The following GUCY1B1 variants were observed in gnomAD, a reference collection of about 807,000 sequenced individuals.
GUCY1B1 encodes guanylate cyclase 1 soluble subunit beta 1, also known as guanylate cyclase soluble subunit beta-1.
In GUCY1B1, 43 loss-of-function variants were observed where a neutral mutation model predicts 71.0. That is an observed-to-expected ratio of 0.61 (90% confidence interval 0.47 to 0.78). The LOEUF is 0.78. GUCY1B1 is among the 30% of genes least tolerant of loss of function. GUCY1B1 has a pLI of 0.00. For missense variants in GUCY1B1, 535 were observed against 754.1 expected (o/e 0.71, Z 3.40); for synonymous variants, 266 against 259.7 (o/e 1.02, Z -0.23).
intron 9 of GUCY1B1, 38 bp downstream of exon 9, chr4:155,800,112 A>G: frequency 1.4e-6 from 2 of 1,386,776 alleles, no homozygotes; most frequent in Non-Finnish European, 2.0e-6. Context: ...TGTTATTCAT[A>G]ACATAATGTG....
In GUCY1B1 at chr4:155,791,501, C is replaced by T. The variant is rs796208015; in HGVS notation, c.495+1590C>T. Reference sequence around the variant, plus strand: ...ATCCTAGCACTTTGGGAGGCCAAGGCGGGGGGATCACGAGGTCAGGAGATT... The same window carrying T: ...ATCCTAGCACTTTGGGAGGCCAAGGTGGGGGGATCACGAGGTCAGGAGATT... On this transcript the variant is annotated intron_variant, in intron 5 of 13. Coordinates refer to ENST00000264424, the MANE Select transcript of GUCY1B1 (RefSeq NM_000857.5). 6.1e-5 allele frequency among the ~76,000 whole-genome samples: 9 copies of T among 147,388 alleles called. 1 individual carries two copies. Among genetic ancestry groups the T allele is most frequent in the South Asian group, 2.3e-4 (1 of 4,396 alleles).
intron 2 of GUCY1B1, 97 bp downstream of exon 2, chr4:155,759,957 G>C: frequency 3.5e-6 from 3 of 856,570 alleles, no homozygotes; most frequent in Non-Finnish European, 5.7e-6. Flanking sequence ...GCCGGGTCGC[G>C]GGCGCGCATC....
chr4:155,770,236 C>G (rs976474434), intron 2 of GUCY1B1, among the ~76,000 whole-genome samples: 2 of 152,020 alleles, frequency 1.3e-5, no homozygotes, highest in African/African-American at 2.4e-5. Flanking sequence ...CTTCAGGTAG[C>G]AGATAAAAAA....
At chr4:155,778,362 C>T (rs1738198281) in intron 4 of GUCY1B1, among the ~76,000 whole-genome samples, 1 of 152,006 alleles carries the variant, frequency 6.6e-6, no homozygotes, top group Non-Finnish European at 1.5e-5. Flanking sequence ...TTTGTGAGAC[C>T]CTCTTCTTGA....
At chr4:155,785,113 T>C (rs537215912) in intron 4 of GUCY1B1, 170 of 488,196 alleles carry the variant, frequency 3.5e-4, no homozygotes, top group Middle Eastern at 1.0e-3. Context: ...AAAAACCACA[T>C]TCATTTGCTT....
intron 9 of GUCY1B1, 45 bp downstream of exon 9, chr4:155,800,119 T>C (rs547301124): frequency 3.1e-5 from 40 of 1,304,934 alleles, no homozygotes; most frequent in Middle Eastern, 1.9e-4. Flanking sequence ...CATAACATAA[T>C]GTGACTCTAC....
At chr4:155,772,254 ATTGT>A (rs1414541744) in intron 2 of GUCY1B1, among the ~76,000 whole-genome samples, 22 of 152,316 alleles carry the variant, frequency 1.4e-4, no homozygotes, top group South Asian at 4.1e-4. Context: ...CAGTGCTATA[ATTGT>A]TTGAGTAGAC....
chr4:155,779,350 G>A (rs747011301), intron 4 of GUCY1B1, among the ~76,000 whole-genome samples: 2 of 152,154 alleles, frequency 1.3e-5, no homozygotes, highest in Non-Finnish European at 2.9e-5. Context: ...TGTGCTGCAA[G>A]TGTAAAATAT....
chr4:155,792,152 A>T (rs1463166689), intron 5 of GUCY1B1, among the ~76,000 whole-genome samples: 1 of 152,140 alleles, frequency 6.6e-6, no homozygotes, highest in African/African-American at 2.4e-5. Flanking sequence ...TTCTCGAGGG[A>T]TTCTCACATT....
chr4:155,771,607 A>G lies in GUCY1B1; in HGVS notation c.78-3361A>G, dbSNP rs187366070. ...TTCTGTCAGAGTCTCCAAAATTTTA[A>G]TCTATAGATCAGTGTTGTTTCAAAA... On this transcript the variant is annotated intron_variant, in intron 2 of 13. Coordinates refer to ENST00000264424, the MANE Select transcript of GUCY1B1 (RefSeq NM_000857.5). 1.1e-3 allele frequency among the ~76,000 whole-genome samples: 172 copies of G among 152,330 alleles called. 2 individuals carry two copies. Among genetic ancestry groups the G allele is most frequent in the African/African-American group, 4.0e-3 (168 of 41,576 alleles).
intron 2 of GUCY1B1, among the ~76,000 whole-genome samples, chr4:155,764,142 A>G (rs1403656061): frequency 6.6e-6 from 1 of 152,112 alleles, no homozygotes; most frequent in Non-Finnish European, 1.5e-5. Context: ...GCACATCACC[A>G]TGTTTTGCCG....
At chr4:155,772,789 G>A in intron 2 of GUCY1B1, 2 of 702,346 alleles carry the variant, frequency 2.8e-6, no homozygotes, top group Non-Finnish European at 5.2e-6. Flanking sequence ...GGTAAAGCCT[G>A]GGCTCTGAAA....
rs750663457 is a variant in GUCY1B1 at position 155,759,781 on chromosome 4, C to G, written c.4-6C>G. 1.2e-6 allele frequency: 2 copies of G among 1,610,702 alleles called. No homozygotes were observed. The highest frequency in any genetic ancestry group is 1.7e-6 in the Non-Finnish European group (2 of 1,177,166). The stretch of plus-strand genomic sequence containing the variant: ...CTGACGCTCAAGTCTCTCCCTGTCC[C>G]CGCAGTACGGATTTGTGAATCACGC... On this transcript the variant is annotated splice_region_variant and splice_polypyrimidine_tract_variant and intron_variant, in intron 1 of 13. Coordinates refer to ENST00000264424, the MANE Select transcript of GUCY1B1 (RefSeq NM_000857.5).
chr4:155,767,811 C>T (rs974295349), intron 2 of GUCY1B1, among the ~76,000 whole-genome samples: 7 of 152,002 alleles, frequency 4.6e-5, no homozygotes, highest in Admixed American at 4.6e-4. Context: ...GCTCCACAGC[C>T]ACTTAGAAAA....
At chr4:155,783,149 TA>T (rs1738550997) in intron 4 of GUCY1B1, among the ~76,000 whole-genome samples, 1 of 152,230 alleles carries the variant, frequency 6.6e-6, no homozygotes, top group South Asian at 2.1e-4. Flanking sequence ...ATGTCTGTGT[TA>T]ATATGTGTGT....
intron 2 of GUCY1B1, among the ~76,000 whole-genome samples, chr4:155,762,474 A>G (rs552216175): frequency 6.6e-6 from 1 of 152,292 alleles, no homozygotes; most frequent in South Asian, 2.1e-4. Context: ...ATGAGAAAGG[A>G]TGGGAAAAGA....
At chr4:155,800,186 G>A (rs915203688) in intron 9 of GUCY1B1, 112 bp downstream of exon 9, 12 of 575,398 alleles carry the variant, frequency 2.1e-5, no homozygotes, top group Non-Finnish European at 3.2e-5. Flanking sequence ...TAGCTCTGGT[G>A]TAGTAAATAA....
At chr4:155,791,034 G>A (rs1483781101) in intron 5 of GUCY1B1, among the ~76,000 whole-genome samples, 1 of 152,038 alleles carries the variant, frequency 6.6e-6, no homozygotes, top group Non-Finnish European at 1.5e-5. Context: ...AAAAATTAAA[G>A]CCTTGGGTAA....
Position 155,776,648 on chromosome 4 carries a change from C to T in GUCY1B1, c.179-876C>T, listed in dbSNP as rs2125800. 1.9e-3 allele frequency among the ~76,000 whole-genome samples: 292 copies of T among 151,622 alleles called. 2 individuals carry two copies. Among genetic ancestry groups the T allele is most frequent in the African/African-American group, 4.6e-3 (190 of 41,314 alleles). On this transcript the variant is annotated intron_variant, in intron 3 of 13. Transcript: ENST00000264424. Reference sequence around the variant, plus strand: ...TCCTACCAGTGCACTACAGCCTGGGCGACAAAGTGAGACTCTGTCTCAAAA... The same window carrying T: ...TCCTACCAGTGCACTACAGCCTGGGTGACAAAGTGAGACTCTGTCTCAAAA...
Sources: gnomAD v4.1 joint callset for allele counts (sites outside exome capture counted in the v4.1 genomes callset) on GRCh38, gnomAD v4.1.1 for gene constraint, MANE v1.5 for transcripts, NCBI Gene and HGNC (gene_info 2026-07-23, HGNC 2026-07-21) for gene names.